The following DMD variants were observed in gnomAD, a reference collection of about 807,000 sequenced individuals.
The protein encoded by DMD is mutant dystrophin.
A neutral mutation model predicts 330.1 loss-of-function variants in DMD; 63 were observed. The ratio of observed to expected loss-of-function variants is 0.19; its 90% CI spans 0.16 to 0.24. DMD has a LOEUF of 0.24. DMD is among the 10% of genes least tolerant of loss of function. The pLI, the probability that DMD is intolerant of heterozygous loss-of-function variation, is 1.00. For synonymous variants in DMD, 1,223 were observed against 959.8 expected (o/e 1.27, Z -5.07); for missense variants, 3,344 against 2,684.1 (o/e 1.25, Z -5.43).
chrX:33,087,998 G>T (rs2095032827), intron 1 of DMD, among the ~76,000 whole-genome samples: 2 of 110,957 alleles, frequency 1.8e-5, no homozygotes, highest in African/African-American at 6.6e-5. Flanking sequence ...TCTCTGCTTT[G>T]CGGCCCATAG....
chrX:33,033,005 T>C (rs1403507753), intron 1 of DMD, among the ~76,000 whole-genome samples: 4 of 111,839 alleles, frequency 3.6e-5, no homozygotes, highest in Non-Finnish European at 7.5e-5. Flanking sequence ...AGAGTCAGTC[T>C]TTTAGAAAAG....
At chrX:32,973,153 T>C (rs182367420) in intron 2 of DMD, among the ~76,000 whole-genome samples, 8 of 112,452 alleles carry the variant, frequency 7.1e-5, no homozygotes, top group African/African-American at 1.6e-4. Flanking sequence ...ATGTGGCTTC[T>C]AGTCAATTTG....
intron 41 of DMD, among the ~76,000 whole-genome samples, chrX:32,329,137 A>G (rs1443097178): frequency 8.9e-6 from 1 of 112,494 alleles, no homozygotes; most frequent in African/African-American, 3.2e-5. Flanking sequence ...TCCTGACTTC[A>G]TCAAGCCTAC....
At position 31,355,629 on chromosome X, in the gene DMD, T is replaced by C. The variant is rs183067922; in HGVS notation, c.9085-6995A>G. Among the ~76,000 whole-genome samples the C allele has an allele frequency of 1.2e-3, 132 of 111,724 alleles. 2 individuals carry two copies. Among genetic ancestry groups the C allele is most frequent in the African/African-American group, 4.2e-3 (129 of 30,779 alleles). On this transcript the variant is annotated intron_variant, in intron 60 of 78. Coordinates refer to ENST00000357033, the MANE Select transcript of DMD (RefSeq NM_004006.3). The stretch of plus-strand genomic sequence containing the variant: ...TTCACGAGTTTTTGTCCTGAAGTTT[T>C]TCAGTTTGTACAGTTTCTGTGTGCA...
intron 44 of DMD, among the ~76,000 whole-genome samples, chrX:32,114,632 C>T (rs1416276306): frequency 8.9e-6 from 1 of 111,854 alleles, no homozygotes; most frequent in Admixed American, 9.5e-5. Context: ...CCACCTTCTC[C>T]GTGAAGCTGG....
At chrX:32,840,374 T>C (rs2080054744) in intron 4 of DMD, among the ~76,000 whole-genome samples, 2 of 111,961 alleles carry the variant, frequency 1.8e-5, no homozygotes, top group South Asian at 3.7e-4. Context: ...AAACATGGGG[T>C]CTATGATCAG....
At chrX:32,501,605 TA>T in intron 19 of DMD, 149 bp downstream of exon 19, 1 of 480,787 alleles carries the variant, frequency 2.1e-6, no homozygotes, top group Non-Finnish European at 3.6e-6. Flanking sequence ...TCCTTAGCAT[TA>T]AAAAAAGAAT....
chrX:32,802,316 G>A (rs1021914794), intron 7 of DMD, among the ~76,000 whole-genome samples: 1 of 111,657 alleles, frequency 9.0e-6, no homozygotes, highest in Non-Finnish European at 1.9e-5. Context: ...TATTATCGGT[G>A]TATAGGAATG....
At chrX:32,748,826 G>T (rs2070424063) in intron 7 of DMD, among the ~76,000 whole-genome samples, 1 of 112,440 alleles carries the variant, frequency 8.9e-6, no homozygotes, top group African/African-American at 3.2e-5. Flanking sequence ...ATCAGTCATT[G>T]CAGAGAACCA....
At chrX:31,317,275 C>T (rs1406990294) in intron 62 of DMD, among the ~76,000 whole-genome samples, 1 of 111,204 alleles carries the variant, frequency 9.0e-6, no homozygotes, top group African/African-American at 3.3e-5. Context: ...CTTGCGATGC[C>T]TAGCCTATTT....
chrX:32,486,627 A>T (rs1481528013), intron 20 of DMD, among the ~76,000 whole-genome samples: 1 of 109,453 alleles, frequency 9.1e-6, no homozygotes, highest in African/African-American at 3.3e-5. Context: ...TAACCAAAAC[A>T]GCATGGTACT....
intron 30 of DMD, 36 bp downstream of exon 30, chrX:32,411,716 A>G: frequency 8.3e-7 from 1 of 1,205,430 alleles, no homozygotes; most frequent in Non-Finnish European, 1.1e-6. Flanking sequence ...AGTAATAAAA[A>G]CAAAAGAATG....
At position 32,626,043 on chromosome X, in the gene DMD, T is replaced by C. The variant is rs1362126850; in HGVS notation, c.1332-11590A>G. ...AGTCAGAAATAAAACCTGTATAATATGATTTAAGGGAAAGATACCAGTACA... is the reference window on the plus strand; with the variant it reads ...AGTCAGAAATAAAACCTGTATAATACGATTTAAGGGAAAGATACCAGTACA... On this transcript the variant is annotated intron_variant, in intron 11 of 78. Transcript: ENST00000357033. Among the ~76,000 whole-genome samples, 5 of 112,831 alleles carry C rather than the reference T, an allele frequency of 4.4e-5. No individual in the cohort carries two copies. The East Asian group carries it at 8.3e-4, about 19-fold the overall frequency.
intron 44 of DMD, among the ~76,000 whole-genome samples, chrX:32,068,374 ATTTTT>A (rs749610367): frequency 0.11 from 7,343 of 64,272 alleles, 302 homozygotes; most frequent in African/African-American, 0.24. Context: ...CTTGCTTGTC[ATTTTT>A]TTTTTTTTTT....
chrX:31,679,559 T>C lies in DMD; in HGVS notation c.7688A>G (p.Glu2563Gly). Residue 2563 changes from glutamate to glycine, a missense_variant, in exon 53 of 79, where the codon GAA (glutamate) becomes GGA (glycine). Transcript: ENST00000357033. Reference protein sequence around the residue: ...RIERIQNQWDEVQEHLQNRRQ... With the variant: ...RIERIQNQWDGVQEHLQNRRQ... ...CCGGTTCTGAAGGTGTTCTTGTACT[T>C]CATCCCACTGATTCTGAATTCTTTC... is the stretch of plus-strand genomic sequence containing the variant. The C allele has an allele frequency of 8.3e-7, 1 of 1,210,733 alleles. No individual in the cohort carries two copies. The highest frequency in any genetic ancestry group is 1.1e-6 in the Non-Finnish European group (1 of 894,384).
intron 11 of DMD, among the ~76,000 whole-genome samples, chrX:32,638,010 A>G (rs2059210803): frequency 8.9e-6 from 1 of 112,144 alleles, no homozygotes; most frequent in Admixed American, 9.4e-5. Context: ...CATGCATTGT[A>G]TTATTAGTAC....
intron 30 of DMD, among the ~76,000 whole-genome samples, chrX:32,404,332 C>G (rs1379276403): frequency 2.7e-5 from 3 of 111,472 alleles, no homozygotes; most frequent in African/African-American, 6.5e-5. Flanking sequence ...CACCTGACGT[C>G]CTAGCTTGGT....
intron 43 of DMD, among the ~76,000 whole-genome samples, chrX:32,265,549 G>A (rs903456558): frequency 1.8e-5 from 2 of 111,574 alleles, no homozygotes; most frequent in East Asian, 2.8e-4. Context: ...TTGATCCACC[G>A]TGTGCATGGA....
At chrX:31,215,552 A>G (rs1443820345) in intron 64 of DMD, among the ~76,000 whole-genome samples, 1 of 112,109 alleles carries the variant, frequency 8.9e-6, no homozygotes, top group Non-Finnish European at 1.9e-5. Context: ...CATATCTGTT[A>G]TTAATCAGCT....
Sources: allele counts gnomAD v4.1 joint callset (sites outside exome capture counted in the v4.1 genomes callset), GRCh38; gene constraint gnomAD v4.1.1; transcripts MANE v1.5; gene names NCBI Gene and HGNC (gene_info 2026-07-23, HGNC 2026-07-21).